DGLUCY: variants seen among roughly 807,000 people sequenced by gnomAD.
DGLUCY encodes D-glutamate cyclase, mitochondrial.
In DGLUCY, 58 loss-of-function variants were observed where a neutral mutation model predicts 58.5. That is an observed-to-expected ratio of 0.99 (90% confidence interval 0.80 to 1.23). The LOEUF (loss-of-function observed/expected upper bound fraction) is 1.23. Among genes scored for constraint, DGLUCY ranks in the 50% most tolerant of loss-of-function variants. DGLUCY has a pLI of 0.00. For missense variants in DGLUCY, 779 were observed against 784.7 expected (o/e 0.99, Z 0.09); for synonymous variants, 325 against 314.1 (o/e 1.03, Z -0.37).
intron 1 of DGLUCY, among the ~76,000 whole-genome samples, chr14:91,081,918 G>C (rs1240882673): frequency 1.3e-5 from 2 of 151,792 alleles, no homozygotes; most frequent in Non-Finnish European, 2.9e-5. Context: ...TCCAGCCTCT[G>C]TTTCTGTTGT....
At chr14:91,107,305 G>A (rs1391351040), upstream of DGLUCY, among the ~76,000 whole-genome samples, 1 of 151,820 alleles carries the variant, frequency 6.6e-6, no homozygotes, top group Non-Finnish European at 1.5e-5. Context: ...GATCATCTGA[G>A]GTCGGGAGTT....
intron 1 of DGLUCY, chr14:91,114,847 A>C (rs898418874): frequency 5.9e-5 from 9 of 152,278 alleles, no homozygotes; most frequent in African/African-American, 2.2e-4. Context: ...TGGAGGCAGA[A>C]TTCTGTAAAT....
chr14:91,215,333 GCT>G, intron 12 of DGLUCY, 70 bp from the exon 13 acceptor site: 1 of 1,541,068 alleles, frequency 6.5e-7, no homozygotes, highest in Non-Finnish European at 8.8e-7. Context: ...AGATAGTTCT[GCT>G]TCCTAGAGGC....
chr14:91,119,628 C>CAT (rs1210313180), intron 1 of DGLUCY, among the ~76,000 whole-genome samples: 2 of 152,190 alleles, frequency 1.3e-5, no homozygotes, highest in African/African-American at 4.8e-5. Context: ...TGCCCTCTCC[C>CAT]TCGGTGTGAT....
At chr14:91,152,554 AATGATT>A in intron 1 of DGLUCY, among the ~76,000 whole-genome samples, 1 of 152,300 alleles carries the variant, frequency 6.6e-6, no homozygotes, top group African/African-American at 2.4e-5. Flanking sequence ...TTTTAAATAA[AATGATT>A]ATACAGTTAG....
intron 1 of DGLUCY, among the ~76,000 whole-genome samples, chr14:91,061,899 C>G (rs1363385045): frequency 6.6e-6 from 1 of 152,032 alleles, no homozygotes; most frequent in African/African-American, 2.4e-5. Flanking sequence ...CTAAAGGGAA[C>G]CTGATTTCTA....
intron 5 of DGLUCY, among the ~76,000 whole-genome samples, chr14:91,170,430 TTCA>T (rs2140398876): frequency 6.6e-6 from 1 of 152,332 alleles, no homozygotes; most frequent in East Asian, 1.9e-4. Context: ...GTGGCCCTTC[TTCA>T]TGGTTCAGTG....
In DGLUCY at chr14:91,224,524, A is replaced by T. The variant is rs1458270170; in HGVS notation, c.1717-160A>T. The stretch of plus-strand genomic sequence containing the variant: ...CTGTGATGGAGGACACTTACTTTTC[A>T]TGACTTTTCCAATGGTATTAGTACT... On this transcript the variant is annotated intron_variant, in intron 13 of 13. Transcript: ENST00000256324. Among the ~76,000 whole-genome samples the T allele has an allele frequency of 2.0e-5, 3 of 152,210 alleles. No individual in the cohort carries two copies. In the East Asian group the frequency reaches 5.8e-4, roughly 29 times the overall value.
Position 91,167,399 on chromosome 14 carries a change from TGG to T in DGLUCY, c.257+23_257+24del, listed in dbSNP as rs754358253. ...ACCAGGTAAAAAGCTTGGGTTACTG[TGG>T]GTTGAAGCTTGGGAGTGTCCAGGTG... On this transcript the variant is annotated intron_variant, in intron 4 of 13. Coordinates refer to ENST00000256324, the MANE Select transcript of DGLUCY (RefSeq NM_001102368.3). The T allele has an allele frequency of 2.2e-5, 36 of 1,614,134 alleles. No individual in the cohort carries two copies. The African/African-American group carries it at 4.0e-4, about 18-fold the overall frequency.
chr14:91,081,351 G>A (rs995458290), intron 1 of DGLUCY, among the ~76,000 whole-genome samples: 5 of 152,188 alleles, frequency 3.3e-5, no homozygotes, highest in Non-Finnish European at 4.4e-5. Flanking sequence ...ACAGCAATAC[G>A]GTACTAAATT....
At chr14:91,073,691 G>A (rs1157217145) in intron 1 of DGLUCY, among the ~76,000 whole-genome samples, 1 of 152,034 alleles carries the variant, frequency 6.6e-6, no homozygotes, top group Non-Finnish European at 1.5e-5. Flanking sequence ...AAGTGGAAAG[G>A]CCCTGAGGAG....
chr14:91,212,942 A>G lies in DGLUCY; in HGVS notation c.1565-2463A>G, dbSNP rs889574445. 1.1e-4 allele frequency among the ~76,000 whole-genome samples: 16 copies of G among 151,564 alleles called. 1 individual carries two copies. The highest frequency in any genetic ancestry group is 3.9e-4 in the African/African-American group (16 of 41,174). Reference sequence around the variant, plus strand: ...CGTGAACCCAAGAGGCGGAGCCTGCAGTGAGCCGAGATCATGCCACTGCAC... The same window carrying G: ...CGTGAACCCAAGAGGCGGAGCCTGCGGTGAGCCGAGATCATGCCACTGCAC... On this transcript the variant is annotated intron_variant, in intron 12 of 13. Coordinates refer to ENST00000256324, the MANE Select transcript of DGLUCY (RefSeq NM_001102368.3).
intron 11 of DGLUCY, among the ~76,000 whole-genome samples, chr14:91,200,491 A>G (rs564030605): frequency 5.1e-4 from 77 of 152,232 alleles, no homozygotes; most frequent in Non-Finnish European, 7.3e-4. Flanking sequence ...GAGGCATGGC[A>G]TATTATTTTG....
intron 13 of DGLUCY, among the ~76,000 whole-genome samples, chr14:91,222,007 C>T (rs1038942578): frequency 2.0e-5 from 3 of 152,174 alleles, no homozygotes; most frequent in African/African-American, 7.2e-5. Flanking sequence ...CACACTCAGC[C>T]ACCCTGGGGC....
At chr14:91,097,348 A>G (rs893790195) in intron 1 of DGLUCY, among the ~76,000 whole-genome samples, 2 of 152,124 alleles carry the variant, frequency 1.3e-5, no homozygotes, top group Non-Finnish European at 2.9e-5. Context: ...GTGAACTGTG[A>G]TTGCCTCACT....
At position 91,062,603 on chromosome 14, in the gene DGLUCY, ATATATAT is replaced by A. The variant is rs1281066939; in HGVS notation, c.-82+1900_-82+1906del. 1.3e-3 allele frequency among the ~76,000 whole-genome samples: 44 copies of A among 33,010 alleles called. 3 individuals are homozygous for A. The highest frequency in any genetic ancestry group is 2.0e-3 in the Non-Finnish European group (38 of 18,912). 21.7% of individuals were successfully genotyped at this position (33,010 alleles called of 152,430 possible). On this transcript the variant is annotated intron_variant, in intron 1 of 4. Transcript: ENST00000521334. ...TATATATATATATATATATATATAT[ATATATAT>A]AAACAATCCTTAGCTCAAGGGCAGT... is the stretch of plus-strand genomic sequence containing the variant.
chr14:91,192,696 T>C (rs1464321211), intron 9 of DGLUCY, among the ~76,000 whole-genome samples: 1 of 152,100 alleles, frequency 6.6e-6, no homozygotes, highest in Non-Finnish European at 1.5e-5. Context: ...CCCAGCTACC[T>C]GGAAGGCTGA....
intron 1 of DGLUCY, among the ~76,000 whole-genome samples, chr14:91,078,227 C>A (rs767075946): frequency 6.6e-6 from 1 of 152,128 alleles, no homozygotes; most frequent in Non-Finnish European, 1.5e-5. Flanking sequence ...CGGGGTTTCG[C>A]CATGTTGGCC....
At position 91,165,208 on chromosome 14, in the gene DGLUCY, G is replaced by A. The variant is rs112768526; in HGVS notation, c.104-2017G>A. ...AAACATCTTTTAACATAACCGTTAC[G>A]TGTTTCTTCTGTAACCGTAATTTTA... On this transcript the variant is annotated intron_variant, in intron 3 of 13. Transcript: ENST00000256324. The A allele has an allele frequency of 8.2e-3, 3,757 of 455,758 alleles. 27 individuals are homozygous for A. The highest frequency in any genetic ancestry group is 0.011 in the Non-Finnish European group (2,527 of 226,778). 28.2% of individuals were successfully genotyped at this position (455,758 alleles called of 1,614,324 possible). A position where few individuals can be genotyped will look rare whatever the true frequency, so the allele number is the denominator to read the frequency against.
Sources: allele counts gnomAD v4.1 joint callset (sites outside exome capture counted in the v4.1 genomes callset), GRCh38; gene constraint gnomAD v4.1.1; transcripts MANE v1.5; gene names NCBI Gene and HGNC (gene_info 2026-07-23, HGNC 2026-07-21).